Variants in PLCB1 observed in about 807,000 individuals in gnomAD.
PLCB1 encodes the protein phospholipase C beta 1.
PLCB1 carries 46 observed loss-of-function variants against 161.8 expected under a neutral mutation model. That is an observed-to-expected ratio of 0.28 (90% CI 0.22 to 0.36). PLCB1 has a LOEUF of 0.36. Ranked by LOEUF, PLCB1 falls within the 10% of genes least tolerant of loss-of-function variation. PLCB1 has a pLI of 1.00. For missense variants in PLCB1, 1,016 were observed against 1,472.5 expected (o/e 0.69, Z 5.07); for synonymous variants, 517 against 503.7 (o/e 1.03, Z -0.35).
intron 30 of PLCB1, 103 bp downstream of exon 30, chr20:8,789,678 T>C: frequency 1.2e-6 from 1 of 856,306 alleles, no homozygotes. Context: ...GCCATAACTT[T>C]TTATCACTAG....
chr20:8,221,997 A>G (rs1386744515), intron 2 of PLCB1, among the ~76,000 whole-genome samples: 1 of 152,184 alleles, frequency 6.6e-6, no homozygotes, highest in Non-Finnish European at 1.5e-5. Flanking sequence ...ATATCTCATC[A>G]TATAGAAATC....
chr20:8,476,069 T>C (rs1349640385), intron 3 of PLCB1, among the ~76,000 whole-genome samples: 1 of 152,188 alleles, frequency 6.6e-6, no homozygotes, highest in Non-Finnish European at 1.5e-5. Context: ...AGTTTAAGGC[T>C]ATTACAGTCA....
At chr20:8,634,624 C>G (rs1988703528) in intron 4 of PLCB1, among the ~76,000 whole-genome samples, 2 of 152,224 alleles carry the variant, frequency 1.3e-5, no homozygotes, top group South Asian at 4.1e-4. Flanking sequence ...AATCTGCCTG[C>G]TCATCTGCAT....
intron 12 of PLCB1, among the ~76,000 whole-genome samples, chr20:8,711,768 A>G (rs901324121): frequency 6.6e-6 from 1 of 152,106 alleles, no homozygotes; most frequent in Non-Finnish European, 1.5e-5. Context: ...GAGCCACTTC[A>G]TCTAGTTCCT....
intron 2 of PLCB1, among the ~76,000 whole-genome samples, chr20:8,321,650 C>T (rs1052043116): frequency 6.6e-6 from 1 of 152,114 alleles, no homozygotes; most frequent in African/African-American, 2.4e-5. Flanking sequence ...ATCATGGGTA[C>T]AGATCAACAA....
intron 3 of PLCB1, among the ~76,000 whole-genome samples, chr20:8,397,846 T>G (rs1003936362): frequency 1.3e-5 from 2 of 152,132 alleles, no homozygotes; most frequent in Non-Finnish European, 2.9e-5. Context: ...GGTTCTGTAG[T>G]TTTTTCAGTC....
At chr20:8,432,028 TGGTGGTGGG>T (rs1221491174) in intron 3 of PLCB1, among the ~76,000 whole-genome samples, 1 of 151,814 alleles carries the variant, frequency 6.6e-6, no homozygotes, top group African/African-American at 2.4e-5. Flanking sequence ...TCTTTGTATG[TGGTGGTGGG>T]GGTGGGAGCT....
At chr20:8,542,367 T>A (rs1376979020) in intron 3 of PLCB1, among the ~76,000 whole-genome samples, 1 of 152,212 alleles carries the variant, frequency 6.6e-6, no homozygotes, top group African/African-American at 2.4e-5. Context: ...CTGACAGTCA[T>A]TTTTGACCAT....
intron 3 of PLCB1, among the ~76,000 whole-genome samples, chr20:8,431,928 C>T (rs760833057): frequency 6.6e-6 from 1 of 151,940 alleles, no homozygotes; most frequent in Admixed American, 6.6e-5. Flanking sequence ...GGGAAGTCCA[C>T]TATCTGGGTG....
chr20:8,221,246 C>T (rs556426716), intron 2 of PLCB1, among the ~76,000 whole-genome samples: 52 of 152,154 alleles, frequency 3.4e-4, no homozygotes, highest in East Asian at 2.3e-3. Flanking sequence ...AGAAAGGTGA[C>T]GGTTTTCATT....
intron 2 of PLCB1, among the ~76,000 whole-genome samples, chr20:8,195,463 T>G (rs1346802477): frequency 6.6e-6 from 1 of 152,030 alleles, no homozygotes; most frequent in East Asian, 1.9e-4. Context: ...AAGATGGCTT[T>G]CTATGAACCA....
chr20:8,601,454 A>G (rs1300346311), intron 3 of PLCB1, among the ~76,000 whole-genome samples: 2 of 152,160 alleles, frequency 1.3e-5, no homozygotes, highest in African/African-American at 2.4e-5. Flanking sequence ...GCTCCCACTT[A>G]TAAGTGAGAA....
chr20:8,163,880 A>G (rs1366646510), intron 2 of PLCB1, among the ~76,000 whole-genome samples: 4 of 152,222 alleles, frequency 2.6e-5, no homozygotes, highest in Non-Finnish European at 5.9e-5. Context: ...GGAAGCTTCA[A>G]TAAGCTAATG....
At chr20:8,262,568 A>G (rs1296773681) in intron 2 of PLCB1, among the ~76,000 whole-genome samples, 2 of 152,166 alleles carry the variant, frequency 1.3e-5, no homozygotes, top group Non-Finnish European at 1.5e-5. Flanking sequence ...TCACTGGAAG[A>G]GTCTAGGTGT....
intron 11 of PLCB1, 63 bp downstream of exon 11, chr20:8,697,846 C>T (rs1990615359): frequency 6.7e-7 from 1 of 1,486,200 alleles, no homozygotes; most frequent in Non-Finnish European, 9.3e-7. Context: ...TTGGTTAAAG[C>T]CTCCTAAGGT....
intron 3 of PLCB1, among the ~76,000 whole-genome samples, chr20:8,499,650 T>C (rs2122807024): frequency 6.6e-6 from 1 of 152,322 alleles, no homozygotes; most frequent in East Asian, 1.9e-4. Context: ...TCCATGCCAT[T>C]CAGGTAGCTC....
At chr20:8,870,568 T>C (rs1363260384) in intron 31 of PLCB1, among the ~76,000 whole-genome samples, 1 of 152,160 alleles carries the variant, frequency 6.6e-6, no homozygotes, top group African/African-American at 2.4e-5. Flanking sequence ...TGACTTGAAA[T>C]AAAGTTTAAA....
At chr20:8,815,940 A>T (rs1985067940) in intron 31 of PLCB1, among the ~76,000 whole-genome samples, 1 of 152,204 alleles carries the variant, frequency 6.6e-6, no homozygotes, top group African/African-American at 2.4e-5. Context: ...GAACACATAT[A>T]ACCTGTTTAT....
chr20:8,629,084 G>T (rs73597524), intron 4 of PLCB1, among the ~76,000 whole-genome samples: 2 of 152,030 alleles, frequency 1.3e-5, no homozygotes, highest in African/African-American at 4.8e-5. Flanking sequence ...TTCTAAGTCC[G>T]TGTCATTTCC....
Sources: allele counts gnomAD v4.1 joint callset (sites outside exome capture counted in the v4.1 genomes callset), GRCh38; gene constraint gnomAD v4.1.1; transcripts MANE v1.5; gene names NCBI Gene and HGNC (gene_info 2026-07-23, HGNC 2026-07-21).